NDUFA10: variants seen among roughly 807,000 people sequenced by gnomAD.
NDUFA10 encodes the protein NADH:ubiquinone oxidoreductase subunit A10, also known as NADH dehydrogenase [ubiquinone] 1 alpha subcomplex subunit 10, mitochondrial.
A neutral mutation model predicts 47.8 loss-of-function variants in NDUFA10; 40 were observed. That is an observed-to-expected ratio of 0.84 (90% CI 0.65 to 1.09). The LOEUF (loss-of-function observed/expected upper bound fraction) is 1.09. Ranked by LOEUF, NDUFA10 falls within the 50% of genes least tolerant of loss-of-function variation. The probability of loss-of-function intolerance (pLI) is 0.00; values close to 1 mark genes in which losing one functional copy is unlikely to be tolerated. For synonymous variants in NDUFA10, 183 were observed against 172.2 expected (o/e 1.06, Z -0.49); for missense variants, 413 against 451.1 (o/e 0.92, Z 0.76).
At chr2:239,951,004 AG>A (rs1445228780) in intron 4 of NDUFA10, among the ~76,000 whole-genome samples, 1 of 152,208 alleles carries the variant, frequency 6.6e-6, no homozygotes, top group Non-Finnish European at 1.5e-5. Flanking sequence ...TTCCTTTGTC[AG>A]GTAGTTGCTG....
chr2:239,914,712 G>C (rs202038620), intron 4 of NDUFA10, among the ~76,000 whole-genome samples: 2 of 26,720 alleles, frequency 7.5e-5, no homozygotes, highest in Non-Finnish European at 1.3e-4. Context: ...CACATACATA[G>C]ACACACACAA....
At chr2:240,018,259 A>G (rs957861234) in intron 4 of NDUFA10, 1 of 699,662 alleles carries the variant, frequency 1.4e-6, no homozygotes, top group Non-Finnish European at 2.4e-6. Context: ...AGAGCGGGGG[A>G]GGTTCTAACG....
intron 4 of NDUFA10, among the ~76,000 whole-genome samples, chr2:239,898,344 C>T (rs1409922089): frequency 5.9e-5 from 9 of 152,328 alleles, no homozygotes; most frequent in East Asian, 3.9e-4. Flanking sequence ...AGCCTGCGCC[C>T]GGGGCTGTTT....
rs550969028 is a variant in NDUFA10 at position 239,906,090 on chromosome 2, C to T, written c.295-10776G>A. ...GGTGCTCAGGGGACCTTGAAGCAGC[C>T]CTGGCCACAGATGTGTGCTGAGCTC... On this transcript the variant is annotated intron_variant, in intron 4 of 5. Coordinates refer to the NDUFA10 transcript ENST00000419408. This position sits in a 1 kb window ranked among gnomAD's most constrained non-coding sequence, Gnocchi z 4.3. Among the ~76,000 whole-genome samples the T allele has an allele frequency of 6.6e-6, 1 of 152,196 alleles. No homozygotes were observed. The highest frequency in any genetic ancestry group is 1.5e-5 in the Non-Finnish European group (1 of 67,984).
intron 4 of NDUFA10, among the ~76,000 whole-genome samples, chr2:240,017,555 C>A (rs529180405): frequency 6.6e-6 from 1 of 152,184 alleles, no homozygotes; most frequent in East Asian, 1.9e-4. Flanking sequence ...CAGCCCCCAA[C>A]CCCGGGCCCG....
At chr2:239,973,658 T>C (rs1390309175) in intron 9 of NDUFA10, 1 of 464,898 alleles carries the variant, frequency 2.2e-6, no homozygotes, top group Non-Finnish European at 4.4e-6. Context: ...TTGAAGAGAC[T>C]GAACTGGTAA....
chr2:239,930,698 G>C (rs963140720), intron 4 of NDUFA10, among the ~76,000 whole-genome samples: 1 of 152,166 alleles, frequency 6.6e-6, no homozygotes, highest in Non-Finnish European at 1.5e-5. Flanking sequence ...ACCGGGAGCC[G>C]GACCAGAGGG....
At chr2:240,007,201 A>T in intron 7 of NDUFA10, 115 bp downstream of exon 7, 1 of 812,080 alleles carries the variant, frequency 1.2e-6, no homozygotes, top group South Asian at 1.5e-5. Flanking sequence ...TTCAGGTGAT[A>T]AAACAGTGAT....
At chr2:239,980,198 G>A (rs1456932823) in intron 9 of NDUFA10, among the ~76,000 whole-genome samples, 1 of 152,208 alleles carries the variant, frequency 6.6e-6, no homozygotes, top group Admixed American at 6.5e-5. Context: ...CTCGGGTGTG[G>A]CCCCAATGCT....
chr2:239,949,786 C>A (rs1230275264), intron 4 of NDUFA10, among the ~76,000 whole-genome samples: 1 of 152,204 alleles, frequency 6.6e-6, no homozygotes, highest in African/African-American at 2.4e-5. Flanking sequence ...CTGACACTGG[C>A]CTGTTGAGGT....
rs4149541 is a variant in NDUFA10 at position 240,018,317 on chromosome 2, G to A, written c.547+236C>T. On this transcript the variant is annotated intron_variant, in intron 4 of 9. Coordinates refer to ENST00000252711, the MANE Select transcript of NDUFA10 (RefSeq NM_004544.4). ...TAAGCTGCGTGTGTTTGAGGTCCAG[G>A]GCTCCAATCTGCTTTCACAGGGAGA... The A allele has an allele frequency of 0.32, 397,773 of 1,235,866 alleles. 67,291 individuals carry two copies. Among genetic ancestry groups the A allele is most frequent in the East Asian group, 0.35 (13,889 of 39,232 alleles). The allele number at this position is 1,235,866 out of a possible 1,614,324, so 76.6% of individuals were successfully genotyped here.
chr2:240,002,823 CT>C (rs1020738963), intron 8 of NDUFA10, among the ~76,000 whole-genome samples: 12 of 152,048 alleles, frequency 7.9e-5, no homozygotes, highest in African/African-American at 2.2e-4. Flanking sequence ...CTATTTTTTG[CT>C]TATTAATGCT....
At chr2:240,001,872 G>A (rs191894808) in intron 8 of NDUFA10, among the ~76,000 whole-genome samples, 29 of 152,192 alleles carry the variant, frequency 1.9e-4, no homozygotes, top group African/African-American at 7.0e-4. Flanking sequence ...ATTTCTGGTC[G>A]GTCGCCCTGT....
At position 239,899,108 on chromosome 2, in the gene NDUFA10, TGAC is replaced by T. The variant is rs772752480; in HGVS notation, c.295-3797_295-3795del. 4.8e-4 allele frequency among the ~76,000 whole-genome samples: 8 copies of T among 16,638 alleles called. 3 individuals are homozygous for T. Among genetic ancestry groups the T allele is most frequent in the Admixed American group, 1.7e-3 (2 of 1,190 alleles). The allele number at this position is 16,638 out of a possible 152,430, so 10.9% of individuals were successfully genotyped here. ...TGTGGAGGGGTGTGGTGGAGGGGTG[TGAC>T]GGAGGGGTGTGATGGAGAGGTGTGA... On this transcript the variant is annotated intron_variant, in intron 4 of 5. Coordinates refer to the NDUFA10 transcript ENST00000419408.
chr2:239,999,433 C>A (rs565836118), intron 8 of NDUFA10, among the ~76,000 whole-genome samples: 1 of 152,192 alleles, frequency 6.6e-6, no homozygotes, highest in Non-Finnish European at 1.5e-5. Context: ...ACTTCAAGCA[C>A]AGCTGGGTGG....
downstream of NDUFA10, among the ~76,000 whole-genome samples, chr2:239,952,443 G>A (rs1211235670): frequency 3.9e-5 from 6 of 152,192 alleles, no homozygotes; most frequent in African/African-American, 7.2e-5. Flanking sequence ...CCAACTGTGC[G>A]GCTTGAGGCT....
At chr2:239,999,235 C>T (rs995927108) in intron 8 of NDUFA10, among the ~76,000 whole-genome samples, 1 of 152,192 alleles carries the variant, frequency 6.6e-6, no homozygotes, top group South Asian at 2.1e-4. Context: ...CCCTGTTTCA[C>T]GTAGGGATGC....
intron 9 of NDUFA10, among the ~76,000 whole-genome samples, chr2:239,984,567 C>T (rs191594847): frequency 1.3e-5 from 2 of 152,302 alleles, no homozygotes; most frequent in South Asian, 2.1e-4. Context: ...GAAAAGCAGA[C>T]AAAACCACAT....
intron 4 of NDUFA10, among the ~76,000 whole-genome samples, chr2:239,900,195 T>A (rs886134786): frequency 7.2e-5 from 11 of 152,112 alleles, no homozygotes; most frequent in Non-Finnish European, 1.5e-4. Context: ...AAGGCTGTAC[T>A]GTTGGCTTCC....
Sources: gnomAD v4.1 joint callset for allele counts (sites outside exome capture counted in the v4.1 genomes callset) on GRCh38, gnomAD v4.1.1 for gene constraint, Gnocchi (gnomAD v3.1) non-coding constraint, MANE v1.5 for transcripts, NCBI Gene and HGNC (gene_info 2026-07-23, HGNC 2026-07-21) for gene names.